Variants in SLC2A9 observed in about 807,000 individuals in gnomAD.
SLC2A9 encodes solute carrier family 2 member 9.
A neutral mutation model predicts 50.6 loss-of-function variants in SLC2A9; 39 were observed. The observed-to-expected ratio is 0.77, with a 90% CI of 0.60 to 1.01. The LOEUF is 1.01. SLC2A9 is among the 50% of genes least tolerant of loss of function. The pLI, the probability that SLC2A9 is intolerant of heterozygous loss-of-function variation, is 0.00. For missense variants in SLC2A9, 686 were observed against 677.6 expected, an observed-to-expected ratio of 1.01 and a Z score of -0.14; for synonymous variants, 324 against 276.9, an observed-to-expected ratio of 1.17 and a Z score of -1.69.
chr4:10,021,500 G>A (rs1763502622), upstream of SLC2A9: 3 of 1,606,284 alleles, frequency 1.9e-6, no homozygotes, highest in South Asian at 2.2e-5. Flanking sequence ...CCGTGAGTGA[G>A]GAGGCAGAGT....
chr4:10,029,553 T>TTATTTTATTA (rs1763864238), intron 1 of SLC2A9, among the ~76,000 whole-genome samples: 1 of 110,278 alleles, frequency 9.1e-6, no homozygotes, highest in Non-Finnish European at 1.8e-5. Context: ...TTTAAATATT[T>TTATTTTATTA]TATTTTATTT....
At chr4:10,018,592 C>T (rs950950383) in intron 2 of SLC2A9, among the ~76,000 whole-genome samples, 7 of 88,942 alleles carry the variant, frequency 7.9e-5, no homozygotes, top group Non-Finnish European at 1.4e-4. Flanking sequence ...AGATAGATAA[C>T]AACAACAACA....
chr4:9,781,921 G>A (rs1718451823), intron 3 of SLC2A9: 20 of 986,928 alleles, frequency 2.0e-5, no homozygotes, highest in Non-Finnish European at 2.8e-5. Context: ...GGGGCTCGAG[G>A]GTCCCTTGGC....
chr4:9,868,906 C>A (rs545469614), intron 10 of SLC2A9, among the ~76,000 whole-genome samples: 1 of 152,070 alleles, frequency 6.6e-6, no homozygotes, highest in South Asian at 2.1e-4. Flanking sequence ...TGCAGGAACA[C>A]CCCCCAAAGG....
At chr4:9,807,278 C>T (rs984972648) in intron 3 of SLC2A9, among the ~76,000 whole-genome samples, 5 of 152,214 alleles carry the variant, frequency 3.3e-5, no homozygotes, top group African/African-American at 4.8e-5. Context: ...TGTGTCACAT[C>T]TCCCATGCCC....
intron 5 of SLC2A9, among the ~76,000 whole-genome samples, chr4:9,949,274 C>T (rs1749765872): frequency 6.6e-6 from 1 of 152,104 alleles, no homozygotes; most frequent in Non-Finnish European, 1.5e-5. Context: ...TTAGTAAATG[C>T]CTGTTTACTG....
chr4:9,886,318 A>G (rs1736199672), intron 10 of SLC2A9, among the ~76,000 whole-genome samples: 1 of 152,204 alleles, frequency 6.6e-6, no homozygotes, highest in South Asian at 2.1e-4. Flanking sequence ...CCTCGCGTCC[A>G]CTGTAAACTA....
intron 4 of SLC2A9, among the ~76,000 whole-genome samples, chr4:9,983,318 C>A (rs971417253): frequency 2.0e-5 from 3 of 152,190 alleles, no homozygotes; most frequent in African/African-American, 7.2e-5. Context: ...GGGAGTTAGT[C>A]CTCTCTGACA....
At chr4:9,948,256 T>C (rs923538858) in intron 5 of SLC2A9, among the ~76,000 whole-genome samples, 1 of 152,206 alleles carries the variant, frequency 6.6e-6, no homozygotes, top group Non-Finnish European at 1.5e-5. Flanking sequence ...ATTCTTGAAC[T>C]TGGCTGCCCA....
intron 3 of SLC2A9, among the ~76,000 whole-genome samples, chr4:9,814,045 CA>C: frequency 6.6e-6 from 1 of 152,216 alleles, no homozygotes; most frequent in South Asian, 2.1e-4. Flanking sequence ...GAGGCTGAGG[CA>C]GGAGAATCGC....
intron 3 of SLC2A9, among the ~76,000 whole-genome samples, chr4:9,820,278 G>C (rs946919362): frequency 6.6e-6 from 1 of 151,968 alleles, no homozygotes; most frequent in African/African-American, 2.4e-5. Flanking sequence ...TTTTTGTGTG[G>C]GTCTATTTCT....
At chr4:10,016,119 C>T (rs1436956537) in intron 2 of SLC2A9, among the ~76,000 whole-genome samples, 2 of 152,226 alleles carry the variant, frequency 1.3e-5, no homozygotes, top group Non-Finnish European at 1.5e-5. Flanking sequence ...TAAAAAGCGC[C>T]TTGTGATGTC....
chr4:10,031,663 G>T (rs1291623017), intron 1 of SLC2A9, among the ~76,000 whole-genome samples: 1 of 152,218 alleles, frequency 6.6e-6, no homozygotes, highest in Non-Finnish European at 1.5e-5. Flanking sequence ...ATGAAATTCT[G>T]GAAAGTTAGT....
At chr4:9,984,444 G>C (rs1756379426) in intron 4 of SLC2A9, among the ~76,000 whole-genome samples, 2 of 152,196 alleles carry the variant, frequency 1.3e-5, no homozygotes, top group African/African-American at 4.8e-5. Flanking sequence ...GAGAGAGAGA[G>C]AGACAGAGTG....
chr4:9,816,286 A>C (rs1277061506), intron 3 of SLC2A9, among the ~76,000 whole-genome samples: 1 of 152,204 alleles, frequency 6.6e-6, no homozygotes, highest in Non-Finnish European at 1.5e-5. Context: ...CAACTGCTCT[A>C]GGCTGTCTGT....
intron 3 of SLC2A9, among the ~76,000 whole-genome samples, chr4:9,992,372 G>A (rs990698315): frequency 6.6e-6 from 1 of 152,218 alleles, no homozygotes; most frequent in Non-Finnish European, 1.5e-5. Flanking sequence ...AAAATTCTTT[G>A]CTGTGGGGGT....
chr4:9,782,898 A>T, intron 3 of SLC2A9: 1 of 1,613,980 alleles, frequency 6.2e-7, no homozygotes, highest in Non-Finnish European at 8.5e-7. Context: ...TCCATCAAGA[A>T]GGAGACCAAG....
intron 3 of SLC2A9, among the ~76,000 whole-genome samples, chr4:9,993,649 T>C (rs1758094380): frequency 2.0e-5 from 3 of 152,122 alleles, no homozygotes. Flanking sequence ...ACATAGTCAC[T>C]GTCCTGTCTC....
intron 3 of SLC2A9, among the ~76,000 whole-genome samples, chr4:9,818,179 C>A (rs994391787): frequency 2.6e-5 from 4 of 152,130 alleles, no homozygotes; most frequent in Non-Finnish European, 5.9e-5. Flanking sequence ...GTGTCCTTTG[C>A]AAGACTTTCA....
Sources: allele counts gnomAD v4.1 joint callset (sites outside exome capture counted in the v4.1 genomes callset), GRCh38; gene constraint gnomAD v4.1.1; transcripts MANE v1.5; gene names NCBI Gene and HGNC (gene_info 2026-07-23, HGNC 2026-07-21).